CCDC175: variants seen among roughly 807,000 people sequenced by gnomAD.
The protein encoded by CCDC175 is coiled-coil domain containing 175.
CCDC175 carries 100 observed loss-of-function variants against 114.6 expected under a neutral mutation model. The observed-to-expected ratio is 0.87, with a 90% CI of 0.74 to 1.03. The LOEUF is 1.03. CCDC175 is among the 50% of genes least tolerant of loss of function. The probability of loss-of-function intolerance (pLI) is 0.00; values close to 1 mark genes in which losing one functional copy is unlikely to be tolerated. For synonymous variants in CCDC175, 306 were observed against 308.7 expected, an observed-to-expected ratio of 0.99 and a Z score of 0.09; for missense variants, 880 against 917.8, an observed-to-expected ratio of 0.96 and a Z score of 0.53.
chr14:59,512,259 C>G (rs1259419074), intron 17 of CCDC175, among the ~76,000 whole-genome samples: 1 of 152,244 alleles, frequency 6.6e-6, no homozygotes, highest in Admixed American at 6.5e-5. Context: ...CAGACTCAAT[C>G]AGTGCAACTT....
chr14:59,538,325 C>A (rs537484899), intron 12 of CCDC175, among the ~76,000 whole-genome samples, 171 bp from the exon 13 acceptor site: 4 of 152,094 alleles, frequency 2.6e-5, no homozygotes, highest in Non-Finnish European at 5.9e-5. Context: ...AAATTAAGTT[C>A]TTCACCAAGT....
chr14:59,568,788 T>C (rs1405315632), intron 3 of CCDC175, among the ~76,000 whole-genome samples: 1 of 152,180 alleles, frequency 6.6e-6, no homozygotes, highest in Non-Finnish European at 1.5e-5. Context: ...GCATAAATAT[T>C]TCTCCCTCTC....
chr14:59,511,280 C>T (rs969817396), intron 18 of CCDC175, among the ~76,000 whole-genome samples: 2 of 152,112 alleles, frequency 1.3e-5, no homozygotes, highest in African/African-American at 4.8e-5. Flanking sequence ...TGTTTTAATA[C>T]TTAAATGAGG....
At chr14:59,547,399 C>G (rs1314279548) in intron 8 of CCDC175, among the ~76,000 whole-genome samples, 2 of 152,242 alleles carry the variant, frequency 1.3e-5, no homozygotes, top group South Asian at 2.1e-4. Context: ...TCAAGAATAG[C>G]TGGAACACTT....
chr14:59,565,058 A>T lies in CCDC175; in HGVS notation c.709T>A (p.Leu237Met). Residue 237 changes from leucine to methionine, a missense_variant, in exon 5 of 20, where the codon TTG becomes ATG. Leu to Met is a conservative substitution (Grantham distance 15, BLOSUM62 2). Coordinates refer to ENST00000537690, the MANE Select transcript of CCDC175 (RefSeq NM_001164399.2). ...RAEYLIRKQELTAQINEFENT... is the reference protein window; with the variant it reads ...RAEYLIRKQEMTAQINEFENT... The stretch of plus-strand genomic sequence containing the variant: ...ATCATGCCACTTACCTGTGCAGTCA[A>T]CTCTTGTTTTCTTATTAGATATTCT... The T allele has an allele frequency of 6.5e-7, 1 of 1,530,140 alleles. No individual in the cohort carries two copies. Among genetic ancestry groups the T allele is most frequent in the Non-Finnish European group, 8.8e-7 (1 of 1,141,770 alleles). 94.8% of individuals were successfully genotyped at this position (1,530,140 alleles called of 1,614,324 possible).
chr14:59,511,501 T>G, intron 18 of CCDC175, among the ~76,000 whole-genome samples: 1 of 123,180 alleles, frequency 8.1e-6, no homozygotes, highest in Non-Finnish European at 1.6e-5. Context: ...AGTGGTAGAG[T>G]GGGAAGACAG....
chr14:59,569,157 G>T (rs191145256), intron 3 of CCDC175, among the ~76,000 whole-genome samples: 1 of 152,302 alleles, frequency 6.6e-6, no homozygotes, highest in African/African-American at 2.4e-5. Flanking sequence ...GTTTAGGAAG[G>T]TGCTGGACTA....
intron 8 of CCDC175, among the ~76,000 whole-genome samples, chr14:59,547,695 T>G (rs1256479139): frequency 6.6e-6 from 1 of 152,180 alleles, no homozygotes; most frequent in Admixed American, 6.5e-5. Context: ...ACACATAAAT[T>G]CCAGATGGTT....
intron 17 of CCDC175, among the ~76,000 whole-genome samples, chr14:59,517,396 G>T (rs1347970437): frequency 2.0e-5 from 3 of 152,176 alleles, no homozygotes. Context: ...GTTTGCAGAT[G>T]ACATTATTGT....
At chr14:59,527,938 C>T (rs991640159) in intron 14 of CCDC175, among the ~76,000 whole-genome samples, 4 of 151,930 alleles carry the variant, frequency 2.6e-5, no homozygotes, top group African/African-American at 9.7e-5. Context: ...CAACCAGAAC[C>T]CTTTGTATTA....
chr14:59,525,130 C>T (rs1174742394), intron 16 of CCDC175, among the ~76,000 whole-genome samples, 152 bp downstream of exon 16: 1 of 152,178 alleles, frequency 6.6e-6, no homozygotes, highest in Non-Finnish European at 1.5e-5. Context: ...GTTCATGGGG[C>T]TGTACACTTG....
intron 17 of CCDC175, among the ~76,000 whole-genome samples, chr14:59,519,306 T>TA (rs1193704499): frequency 4.0e-5 from 6 of 151,826 alleles, no homozygotes; most frequent in South Asian, 4.2e-4. Context: ...CCGTAAAACT[T>TA]AAAGTATAGT....
chr14:59,540,195 C>T (rs1894683951), intron 11 of CCDC175, among the ~76,000 whole-genome samples: 1 of 152,158 alleles, frequency 6.6e-6, no homozygotes, highest in African/African-American at 2.4e-5. Context: ...CATTTACATT[C>T]ACAGCTACTT....
At chr14:59,555,921 C>T (rs1450301915) in intron 7 of CCDC175, among the ~76,000 whole-genome samples, 1 of 152,110 alleles carries the variant, frequency 6.6e-6, no homozygotes, top group Non-Finnish European at 1.5e-5. Context: ...ATGTGAAGGA[C>T]CTCTTCAAAG....
intron 10 of CCDC175, among the ~76,000 whole-genome samples, chr14:59,541,650 C>T: frequency 6.6e-6 from 1 of 152,142 alleles, no homozygotes; most frequent in Admixed American, 6.5e-5. Flanking sequence ...CTTCACAATT[C>T]ACCCCAACCT....
intron 1 of CCDC175, 52 bp from the exon 2 acceptor site, chr14:59,575,080 A>C: frequency 9.7e-7 from 1 of 1,030,720 alleles, no homozygotes; most frequent in African/African-American, 1.6e-5. Flanking sequence ...TCCAAATCCT[A>C]CTTAACCTTT....
chr14:59,576,737 G>C lies in CCDC175; in HGVS notation c.39C>G (p.Gly13=), dbSNP rs767292592. ...LSPWTPGLGA[G]EKLVQAAAVS... is the part of the protein sequence containing the mutation. ...CGGCAGCCGCCTGCACCAGCTTCTCGCCAGCGCCCAGCCCTGGGGTCCAGG... is the reference window on the plus strand; with the variant it reads ...CGGCAGCCGCCTGCACCAGCTTCTCCCCAGCGCCCAGCCCTGGGGTCCAGG... Residue 13 remains glycine, a synonymous_variant, in exon 1 of 20, where the codon GGC becomes GGG. Coordinates refer to ENST00000537690, the MANE Select transcript of CCDC175 (RefSeq NM_001164399.2). 3 of 1,473,892 alleles carry C rather than the reference G, an allele frequency of 2.0e-6. No homozygotes were observed. Among genetic ancestry groups the C allele is most frequent in the Non-Finnish European group, 2.7e-6 (3 of 1,121,236 alleles). 91.3% of individuals were successfully genotyped at this position (1,473,892 alleles called of 1,614,324 possible).
At chr14:59,566,586 G>A (rs1896559446) in intron 4 of CCDC175, among the ~76,000 whole-genome samples, 1 of 152,186 alleles carries the variant, frequency 6.6e-6, no homozygotes, top group Admixed American at 6.5e-5. Flanking sequence ...GAGGACTGGA[G>A]CCTCGGGGAA....
At chr14:59,510,850 A>G (rs1892697317) in intron 18 of CCDC175, 42 bp from the exon 19 acceptor site, 2 of 1,503,466 alleles carry the variant, frequency 1.3e-6, no homozygotes, top group African/African-American at 1.4e-5. Context: ...ATAAATTGCT[A>G]CAACATAAAT....
Sources: gnomAD v4.1 joint callset for allele counts (sites outside exome capture counted in the v4.1 genomes callset) on GRCh38, gnomAD v4.1.1 for gene constraint, MANE v1.5 for transcripts, NCBI Gene and HGNC (gene_info 2026-07-23, HGNC 2026-07-21) for gene names.